The following COL28A1 variants were observed in gnomAD, a reference collection of about 807,000 sequenced individuals.
COL28A1 encodes the protein collagen type XXVIII alpha 1 chain, also known as collagen alpha-1(XXVIII) chain.
COL28A1 carries 161 observed loss-of-function variants against 150.2 expected under a neutral mutation model. The ratio of observed to expected loss-of-function variants is 1.07; its 90% CI spans 0.94 to 1.22. The LOEUF is 1.22. Among genes scored for constraint, COL28A1 ranks in the 50% most tolerant of loss-of-function variants. COL28A1 has a pLI of 0.00. For synonymous variants in COL28A1, 552 were observed against 469.7 expected (o/e 1.18, Z -2.26); for missense variants, 1,617 against 1,388.3 (o/e 1.16, Z -2.62).
At chr7:7,360,726 T>C (rs1780609392) in intron 33 of COL28A1, among the ~76,000 whole-genome samples, 198 bp from the exon 34 acceptor site, 1 of 152,170 alleles carries the variant, frequency 6.6e-6, no homozygotes, top group African/African-American at 2.4e-5. Context: ...AGTTGTGGAT[T>C]TTCCCACCAC....
At chr7:7,497,838 C>A (rs1780303305) in intron 11 of COL28A1, among the ~76,000 whole-genome samples, 1 of 152,192 alleles carries the variant, frequency 6.6e-6, no homozygotes, top group Non-Finnish European at 1.5e-5. Context: ...ACTGGCAATA[C>A]TGTGATCACA....
chr7:7,400,631 T>C (rs561650209), intron 27 of COL28A1, among the ~76,000 whole-genome samples: 1 of 152,184 alleles, frequency 6.6e-6, no homozygotes, highest in Non-Finnish European at 1.5e-5. Context: ...ATTACAGATT[T>C]TTTGTCTGCT....
intron 30 of COL28A1, among the ~76,000 whole-genome samples, chr7:7,380,237 A>G (rs1781796250): frequency 6.6e-6 from 1 of 152,176 alleles, no homozygotes; most frequent in African/African-American, 2.4e-5. Context: ...TATAACTATA[A>G]TCTCAATTTT....
chr7:7,358,685 C>A lies in COL28A1; in HGVS notation c.3326G>T (p.Gly1109Val). Reference sequence around the variant, plus strand: ...TTCCTTTTCACTGTTGAATCTATTTCCTGAGCCATTACAGCCACTGAACCA... The same window carrying A: ...TTCCTTTTCACTGTTGAATCTATTTACTGAGCCATTACAGCCACTGAACCA... ...RFWFSGCNGSGNRFNSEKECQ... is the reference protein window; with the variant it reads ...RFWFSGCNGSVNRFNSEKECQ... The change falls in exon 35 of 35, where the codon GGA becomes GTA. Residue 1109 changes from glycine to valine, a missense_variant. By Grantham distance (109) the Gly-to-Val change is moderately radical (BLOSUM62 -3). Transcript: ENST00000399429. The A allele has an allele frequency of 6.2e-7, 1 of 1,614,022 alleles. No homozygotes were observed. The highest frequency in any genetic ancestry group is 1.1e-5 in the South Asian group (1 of 91,074).
the COL28A1 span, among the ~76,000 whole-genome samples, chr7:7,341,989 C>T: frequency 6.6e-6 from 1 of 152,088 alleles, no homozygotes; most frequent in East Asian, 1.9e-4. Context: ...TCCAAATATT[C>T]TATTGCCTTA....
chr7:7,356,272 T>C (rs1330744233), downstream of COL28A1: 2 of 151,570 alleles, frequency 1.3e-5, no homozygotes, highest in Non-Finnish European at 1.5e-5. Flanking sequence ...ATATATAGAG[T>C]TTTACATGTA....
At chr7:7,486,061 ATGT>A (rs1326306076) in intron 13 of COL28A1, among the ~76,000 whole-genome samples, 3 of 152,164 alleles carry the variant, frequency 2.0e-5, no homozygotes, top group Non-Finnish European at 4.4e-5. Flanking sequence ...TTACATCTTT[ATGT>A]TGTTGAGTCT....
chr7:7,416,340 C>A (rs540687063), intron 27 of COL28A1, among the ~76,000 whole-genome samples: 1 of 152,122 alleles, frequency 6.6e-6, no homozygotes, highest in Non-Finnish European at 1.5e-5. Flanking sequence ...AAGTTATAGT[C>A]GGTAAGGATT....
At position 7,493,849 on chromosome 7, in the gene COL28A1, A is replaced by AC. The variant is rs1562825818; in HGVS notation, c.1027-3204_1027-3203insG. ...TAATATTCCTACCCCAGCCCTTAGC[A>AC]ACACACACACACACACACAAAGACA... On this transcript the variant is annotated intron_variant, in intron 11 of 34. Coordinates refer to ENST00000399429, the MANE Select transcript of COL28A1 (RefSeq NM_001037763.3). Among the ~76,000 whole-genome samples the AC allele has an allele frequency of 6.0e-3, 906 of 150,710 alleles. 12 individuals are homozygous for AC. Among genetic ancestry groups the AC allele is most frequent in the African/African-American group, 0.021 (859 of 41,068 alleles).
the COL28A1 span, among the ~76,000 whole-genome samples, chr7:7,541,311 G>A: frequency 1.8e-4 from 28 of 151,792 alleles, no homozygotes; most frequent in African/African-American, 6.8e-4. Flanking sequence ...GACTTGAGGT[G>A]AATTTTTTTT....
At chr7:7,396,187 C>T (rs1319793180) in intron 27 of COL28A1, among the ~76,000 whole-genome samples, 1 of 152,134 alleles carries the variant, frequency 6.6e-6, no homozygotes, top group Non-Finnish European at 1.5e-5. Context: ...CAGTGGTCTG[C>T]CATTTGGGTA....
At chr7:7,439,488 G>C (rs763413758) in intron 21 of COL28A1, among the ~76,000 whole-genome samples, 1 of 152,020 alleles carries the variant, frequency 6.6e-6, no homozygotes, top group African/African-American at 2.4e-5. Flanking sequence ...CAAAAAAAGA[G>C]GTCAATTACT....
chr7:7,541,334 G>A, the COL28A1 span, among the ~76,000 whole-genome samples: 1 of 151,918 alleles, frequency 6.6e-6, no homozygotes, highest in Non-Finnish European at 1.5e-5. Context: ...CCTATTTGGG[G>A]ATATGAACAA....
At chr7:7,469,709 A>G (rs1258114245) in intron 15 of COL28A1, among the ~76,000 whole-genome samples, 2 of 65,880 alleles carry the variant, frequency 3.0e-5, no homozygotes, top group African/African-American at 1.2e-4. Context: ...ACTTCAAACT[A>G]TACTACAAGG....
At chr7:7,488,729 G>C (rs1015396939) in intron 13 of COL28A1, among the ~76,000 whole-genome samples, 4 of 152,126 alleles carry the variant, frequency 2.6e-5, no homozygotes, top group Non-Finnish European at 4.4e-5. Context: ...AATGAGCCAA[G>C]TCCTTATTCT....
intron 1 of COL28A1, among the ~76,000 whole-genome samples, chr7:7,534,649 G>A (rs1782547555): frequency 6.6e-6 from 1 of 152,112 alleles, no homozygotes; most frequent in Non-Finnish European, 1.5e-5. Flanking sequence ...AACCCTTCAT[G>A]TAAGGTTTTA....
chr7:7,520,407 A>T lies in COL28A1; in HGVS notation c.760-292T>A, dbSNP rs140350396. ...CAGTTTTGCAAACAAAATCAAACTCATGCAAAGATTTAAAAGAGTAGCTGC... is the reference window on the plus strand; with the variant it reads ...CAGTTTTGCAAACAAAATCAAACTCTTGCAAAGATTTAAAAGAGTAGCTGC... On this transcript the variant is annotated intron_variant, in intron 5 of 34. Transcript: ENST00000399429. Among the ~76,000 whole-genome samples, 29 of 152,312 alleles carry T rather than the reference A, an allele frequency of 1.9e-4. 1 individual carries two copies. The East Asian group carries it at 5.4e-3, about 28-fold the overall frequency.
At chr7:7,457,810 T>G (rs183923622) in intron 15 of COL28A1, among the ~76,000 whole-genome samples, 1 of 152,250 alleles carries the variant, frequency 6.6e-6, no homozygotes, top group East Asian at 1.9e-4. Flanking sequence ...ACAGGGCAAA[T>G]TAGTTGATGA....
intron 10 of COL28A1, among the ~76,000 whole-genome samples, chr7:7,506,824 T>C (rs1477459120): frequency 6.6e-6 from 1 of 152,242 alleles, no homozygotes; most frequent in Non-Finnish European, 1.5e-5. Context: ...TGACTTTCCA[T>C]CTTTCCAGAC....
Sources: gnomAD v4.1 joint callset for allele counts (sites outside exome capture counted in the v4.1 genomes callset) on GRCh38, gnomAD v4.1.1 for gene constraint, MANE v1.5 for transcripts, NCBI Gene and HGNC (gene_info 2026-07-23, HGNC 2026-07-21) for gene names.